Variants in PDCL3 observed in about 807,000 individuals in gnomAD.
The protein encoded by PDCL3 is phosducin-like protein 3.
Under a neutral mutation model 26.5 loss-of-function variants are expected in PDCL3, and 22 were observed. The ratio of observed to expected loss-of-function variants is 0.83; its 90% CI spans 0.59 to 1.19. The LOEUF is 1.19. PDCL3 is among the 50% of genes most tolerant of loss of function. PDCL3 has a pLI of 0.00. For missense variants in PDCL3, 246 were observed against 294.1 expected, an observed-to-expected ratio of 0.84 and a Z score of 1.20; for synonymous variants, 81 against 104.9, an observed-to-expected ratio of 0.77 and a Z score of 1.39.
rs766111038 is a variant in PDCL3 at position 100,576,505 on chromosome 2, C to T, written c.*9C>T. 3.8e-5 allele frequency: 60 copies of T among 1,567,398 alleles called. No homozygotes were observed. Among genetic ancestry groups the T allele is most frequent in the Non-Finnish European group, 4.9e-5 (57 of 1,155,368 alleles). ...ATTCCGAGGGTGACTGAGGCTACAG[C>T]TTCTATCACATGCCGAACTTTCTTG... On this transcript the variant is annotated 3_prime_UTR_variant, in exon 6 of 6. Transcript: ENST00000264254.
intron 1 of PDCL3, chr2:100,563,336 C>G (rs58420974): frequency 0.11 from 51,213 of 451,750 alleles, 3,554 homozygotes; most frequent in Admixed American, 0.27. Context: ...CGGTCTCTAC[C>G]CACCCGGGCC....
intron 1 of PDCL3, among the ~76,000 whole-genome samples, chr2:100,565,087 C>T (rs1430367378): frequency 6.6e-6 from 1 of 152,166 alleles, no homozygotes; most frequent in Non-Finnish European, 1.5e-5. Flanking sequence ...CCGCAGGCCG[C>T]TCTGCCTGGA....
intron 1 of PDCL3, among the ~76,000 whole-genome samples, chr2:100,564,606 T>G (rs1164747262): frequency 1.3e-5 from 2 of 152,182 alleles, no homozygotes; most frequent in African/African-American, 4.8e-5. Context: ...TCATTTTTCT[T>G]TTGATGTATC....
chr2:100,568,883 C>A, intron 2 of PDCL3, 48 bp from the exon 3 acceptor site: 1 of 1,437,344 alleles, frequency 7.0e-7, no homozygotes, highest in South Asian at 1.1e-5. Flanking sequence ...AATACATGTT[C>A]GTTCATCTTT....
intron 1 of PDCL3, chr2:100,563,500 T>A: frequency 6.1e-6 from 1 of 164,054 alleles, no homozygotes; most frequent in Non-Finnish European, 1.3e-5. Flanking sequence ...CTGGCTCCAC[T>A]GAGAGCCAGG....
At position 100,571,682 on chromosome 2, in the gene PDCL3, G is replaced by C. The variant is rs762914016; in HGVS notation, c.461G>C (p.Cys154Ser). Reference protein sequence around the residue: ...VKFIKAISTTCIPNYPDRNLP... With the variant: ...VKFIKAISTTSIPNYPDRNLP... ...TTTATCAAAGCCATTTCAACAACCT[G>C]CATACCCAATTATCCTGATAGGAAT... Residue 154 changes from cysteine (C) to serine (S), a missense_variant, in exon 5 of 6, where the codon TGC becomes TCC. Transcript: ENST00000264254. The C allele has an allele frequency of 2.5e-6, 4 of 1,613,554 alleles. No individual in the cohort carries two copies. Among genetic ancestry groups the C allele is most frequent in the Non-Finnish European group, 3.4e-6 (4 of 1,179,892 alleles).
intron 5 of PDCL3, among the ~76,000 whole-genome samples, chr2:100,573,778 G>C (rs1675225730): frequency 6.6e-6 from 1 of 151,650 alleles, no homozygotes; most frequent in Non-Finnish European, 1.5e-5. Context: ...AGTGTTCAAA[G>C]GCGTACAGCA....
intron 4 of PDCL3, among the ~76,000 whole-genome samples, chr2:100,570,373 A>G (rs989356932): frequency 6.6e-6 from 1 of 152,046 alleles, no homozygotes; most frequent in Admixed American, 6.6e-5. Context: ...TGGCCTTTAC[A>G]GTAGTAATTG....
At chr2:100,565,171 C>T (rs1675036290) in intron 1 of PDCL3, among the ~76,000 whole-genome samples, 1 of 152,086 alleles carries the variant, frequency 6.6e-6, no homozygotes, top group Non-Finnish European at 1.5e-5. Context: ...TTTCACTATA[C>T]TGGCCAGTCT....
chr2:100,576,370 G>C lies in PDCL3; in HGVS notation c.594G>C (p.Leu198=), dbSNP rs1352697866. ...NLTRDELEWK[L]SESGAIMTDL... is the part of the protein sequence containing the mutation. ...ACCATATAGAGTTGGAATGGAAACTGTCTGAATCTGGAGCAATTATGACAG... is the reference window on the plus strand; with the variant it reads ...ACCATATAGAGTTGGAATGGAAACTCTCTGAATCTGGAGCAATTATGACAG... The change falls in exon 6 of 6, where the codon CTG becomes CTC. Residue 198 remains leucine, a synonymous_variant. Coordinates refer to ENST00000264254, the MANE Select transcript of PDCL3 (RefSeq NM_024065.5). 7 of 1,613,962 alleles carry C rather than the reference G, an allele frequency of 4.3e-6. No individual in the cohort carries two copies. In the South Asian group the frequency reaches 6.6e-5, roughly 15 times the overall value.
At chr2:100,573,702 G>A (rs1055264056) in intron 5 of PDCL3, among the ~76,000 whole-genome samples, 3 of 151,562 alleles carry the variant, frequency 2.0e-5, no homozygotes, top group Non-Finnish European at 4.4e-5. Context: ...ATTCAGCTGG[G>A]GAAAGTATAA....
rs1212449975 is a variant in PDCL3, at chr2:100,567,660, A to G, written c.133+1031A>G. Among the ~76,000 whole-genome samples, 4 of 152,098 alleles carry G rather than the reference A, an allele frequency of 2.6e-5. No individual in the cohort carries two copies. The East Asian group carries it at 5.8e-4, about 22-fold the overall frequency. On this transcript the variant is annotated intron_variant, in intron 2 of 5. Coordinates refer to ENST00000264254, the MANE Select transcript of PDCL3 (RefSeq NM_024065.5). ...AGGGGGTGACGTGAGCGAGTGAAAT[A>G]TGGGCCCTGGCATGGCTGGGAATCC...
At chr2:100,563,279 G>C (rs1378337816) in intron 1 of PDCL3, 5 of 531,550 alleles carry the variant, frequency 9.4e-6, no homozygotes, top group Non-Finnish European at 1.6e-5. Context: ...CCCCGCCTCG[G>C]TGTGCCGGGT....
Position 100,569,697 on chromosome 2 carries a change from T to A in PDCL3, c.344T>A (p.Val115Asp), listed in dbSNP as rs760921432. ...ACCAAAGCTGGCGAGGGCTTGTGGG[T>A]CATCTTGCACCTTTACAAACAAGGG... ...EVTKAGEGLW[V>D]ILHLYKQGIP... Residue 115 changes from valine to aspartate, a missense_variant, in exon 4 of 6, where the codon GTC becomes GAC. By Grantham distance (152) the Val-to-Asp change is radical (BLOSUM62 -3). Coordinates refer to ENST00000264254, the MANE Select transcript of PDCL3 (RefSeq NM_024065.5). 16 of 1,613,438 alleles carry A rather than the reference T, an allele frequency of 9.9e-6. No individual in the cohort carries two copies. Among genetic ancestry groups the A allele is most frequent in the Non-Finnish European group, 1.4e-5 (16 of 1,179,776 alleles).
intron 3 of PDCL3, 53 bp from the exon 4 acceptor site, chr2:100,569,525 G>A: frequency 1.3e-6 from 2 of 1,585,474 alleles, no homozygotes; most frequent in Non-Finnish European, 1.7e-6. Flanking sequence ...TCTAGACGAT[G>A]TGTGTGTACA....
intron 5 of PDCL3, 53 bp downstream of exon 5, chr2:100,571,851 G>A (rs1413883708): frequency 1.9e-6 from 3 of 1,544,918 alleles, no homozygotes; most frequent in African/African-American, 2.7e-5. Context: ...GCGCATTTCT[G>A]TTGGAGAGAG....
chr2:100,569,762 A>G (rs1162834831), intron 4 of PDCL3, 41 bp downstream of exon 4: 3 of 1,586,908 alleles, frequency 1.9e-6, no homozygotes, highest in Admixed American at 3.5e-5. Context: ...TGTTAATTTG[A>G]ATTTATGTCT....
chr2:100,566,446 G>T, intron 1 of PDCL3, 57 bp from the exon 2 acceptor site: 1 of 1,576,652 alleles, frequency 6.3e-7, no homozygotes, highest in South Asian at 1.2e-5. Context: ...CTTGCCCAAC[G>T]TGGCACCCTA....
At chr2:100,575,342 A>G (rs371052340) in intron 5 of PDCL3, among the ~76,000 whole-genome samples, 28 of 152,214 alleles carry the variant, frequency 1.8e-4, no homozygotes, top group South Asian at 6.2e-4. Flanking sequence ...TCACCGTGTT[A>G]GCCAGGATGG....
Sources: gnomAD v4.1 joint callset for allele counts (sites outside exome capture counted in the v4.1 genomes callset) on GRCh38, gnomAD v4.1.1 for gene constraint, MANE v1.5 for transcripts, NCBI Gene and HGNC (gene_info 2026-07-23, HGNC 2026-07-21) for gene names.